TEX14: variants seen among roughly 807,000 people sequenced by gnomAD.
TEX14 encodes testis expressed 14, intercellular bridge forming factor.
A neutral mutation model predicts 178.6 loss-of-function variants in TEX14; 168 were observed. The ratio of observed to expected loss-of-function variants is 0.94; its 90% CI spans 0.83 to 1.07. The LOEUF is 1.07. Ranked by LOEUF, TEX14 falls within the 50% of genes least tolerant of loss-of-function variation. The pLI, the probability that TEX14 is intolerant of heterozygous loss-of-function variation, is 0.00. For synonymous variants in TEX14, 626 were observed against 634.1 expected (o/e 0.99, Z 0.19); for missense variants, 1,730 against 1,753.6 (o/e 0.99, Z 0.24).
At chr17:58,626,363 C>T (rs575194286) in intron 3 of TEX14, among the ~76,000 whole-genome samples, 112 of 151,406 alleles carry the variant, frequency 7.4e-4, no homozygotes, top group Non-Finnish European at 1.5e-3. Flanking sequence ...GTCAGGAGTT[C>T]GAGACCAGCT....
chr17:58,676,688 G>T (rs190791884), intron 1 of TEX14, among the ~76,000 whole-genome samples: 2 of 152,150 alleles, frequency 1.3e-5, no homozygotes, highest in African/African-American at 4.8e-5. Context: ...GTTAAGAGCA[G>T]GTTAAAATCC....
intron 2 of TEX14, among the ~76,000 whole-genome samples, chr17:58,641,677 T>G: frequency 6.6e-6 from 1 of 151,522 alleles, no homozygotes; most frequent in East Asian, 1.9e-4. Flanking sequence ...CAGCTAATTT[T>G]TGTATTTTTA....
intron 20 of TEX14, among the ~76,000 whole-genome samples, chr17:58,578,181 G>C (rs2044725338): frequency 6.6e-6 from 1 of 152,150 alleles, no homozygotes; most frequent in African/African-American, 2.4e-5. Context: ...AGGCCCATCA[G>C]AACAATGCCA....
At chr17:58,571,238 T>TC (rs549013212) in intron 24 of TEX14, among the ~76,000 whole-genome samples, 112 of 147,774 alleles carry the variant, frequency 7.6e-4, no homozygotes, top group African/African-American at 2.2e-3. Flanking sequence ...TTCTTTTCTT[T>TC]TTTTTTTTTT....
At chr17:58,575,062 C>T (rs1476649989) in intron 21 of TEX14, among the ~76,000 whole-genome samples, 2 of 151,550 alleles carry the variant, frequency 1.3e-5, no homozygotes, top group Non-Finnish European at 2.9e-5. Flanking sequence ...TCAGTACTCA[C>T]TGAACATTAA....
chr17:58,569,385 G>T lies in TEX14; in HGVS notation c.3818-125C>A, dbSNP rs2044472186. On this transcript the variant is annotated intron_variant, in intron 25 of 31. Coordinates refer to ENST00000349033, the MANE Select transcript of TEX14 (RefSeq NM_031272.5). The surrounding 1 kb of genome is among the most constrained non-coding windows in gnomAD (Gnocchi z 4.1). Reference sequence around the variant, plus strand: ...CTCAATGATGAAACAAACTAAGGAGGAAGGAAGCCTCTTACATAATAGTTC... The same window carrying T: ...CTCAATGATGAAACAAACTAAGGAGTAAGGAAGCCTCTTACATAATAGTTC... 3 of 700,150 alleles carry T rather than the reference G, an allele frequency of 4.3e-6. No individual in the cohort carries two copies. The highest frequency in any genetic ancestry group is 7.4e-6 in the Non-Finnish European group (3 of 406,688). The allele number at this position is 700,150 out of a possible 1,614,324, so 43.4% of individuals were successfully genotyped here.
At chr17:58,628,226 T>G (rs908729149) in intron 3 of TEX14, among the ~76,000 whole-genome samples, 2 of 152,146 alleles carry the variant, frequency 1.3e-5, no homozygotes, top group African/African-American at 4.8e-5. Context: ...TTTCTAAGCT[T>G]CCAAGTTTTC....
At chr17:58,659,300 A>C (rs941675221) in intron 1 of TEX14, 6 of 971,556 alleles carry the variant, frequency 6.2e-6, no homozygotes, top group Non-Finnish European at 7.3e-6. Context: ...CCCGCCACAA[A>C]GACATTATTT....
intron 1 of TEX14, among the ~76,000 whole-genome samples, chr17:58,678,982 C>T (rs1000440437): frequency 9.2e-5 from 14 of 151,716 alleles, no homozygotes; most frequent in African/African-American, 3.1e-4. Flanking sequence ...GGTGAAACCC[C>T]GTCTCTACTA....
At position 58,603,637 on chromosome 17, in the gene TEX14, G is replaced by A. The variant is rs571471037; in HGVS notation, c.1337-1047C>T. Reference sequence around the variant, plus strand: ...TAGGAGGCTGAGGTGGGCGGATCACGAGGTCAGGAGATCCAGACCATCCTG... The same window carrying A: ...TAGGAGGCTGAGGTGGGCGGATCACAAGGTCAGGAGATCCAGACCATCCTG... On this transcript the variant is annotated intron_variant, in intron 11 of 31. Transcript: ENST00000349033. Among the ~76,000 whole-genome samples the A allele has an allele frequency of 8.5e-4, 127 of 150,042 alleles. 1 individual carries two copies. Among genetic ancestry groups the A allele is most frequent in the African/African-American group, 3.0e-3 (123 of 40,858 alleles).
At chr17:58,577,750 A>G (rs2144384184) in intron 20 of TEX14, among the ~76,000 whole-genome samples, 1 of 152,256 alleles carries the variant, frequency 6.6e-6, no homozygotes, top group Non-Finnish European at 1.5e-5. Flanking sequence ...CTGAAGACAA[A>G]TGTTGTTTTG....
chr17:58,594,108 C>T (rs1358961433), intron 14 of TEX14, among the ~76,000 whole-genome samples: 1 of 152,100 alleles, frequency 6.6e-6, no homozygotes, highest in Non-Finnish European at 1.5e-5. Context: ...GCTGGGATTA[C>T]AGGCGTGAGC....
At position 58,569,140 on chromosome 17, in the gene TEX14, G is replaced by T; in HGVS notation, c.3886+52C>A. 1.4e-6 allele frequency: 2 copies of T among 1,431,228 alleles called. No homozygotes were observed. Among genetic ancestry groups the T allele is most frequent in the Non-Finnish European group, 2.0e-6 (2 of 1,016,274 alleles). 88.7% of individuals were successfully genotyped at this position (1,431,228 alleles called of 1,614,324 possible). On this transcript the variant is annotated intron_variant, in intron 26 of 31. Transcript: ENST00000349033. The surrounding 1 kb of genome is among the most constrained non-coding windows in gnomAD (Gnocchi z 4.1). ...AGACAAAGACACCATACTGTGGTCA[G>T]TGACATAACTAACAGGGCCGAGAAG...
intron 20 of TEX14, 125 bp downstream of exon 20, chr17:58,579,540 A>G: frequency 1.3e-6 from 1 of 771,234 alleles, no homozygotes; most frequent in South Asian, 1.8e-5. Flanking sequence ...GGTTTTCTCA[A>G]CCATATAATG....
chr17:58,602,455 T>G lies in TEX14; in HGVS notation c.1472A>C (p.Lys491Thr), dbSNP rs143574940. The G allele has an allele frequency of 6.2e-7, 1 of 1,613,990 alleles. No homozygotes were observed. Among genetic ancestry groups the G allele is most frequent in the African/African-American group, 1.3e-5 (1 of 74,902 alleles). Reference sequence around the variant, plus strand: ...ATCTTGAAGGTTCATAGTTCGGTCTTTCTGCTTGACGTGGATGCCTGACTT... The same window carrying G: ...ATCTTGAAGGTTCATAGTTCGGTCTGTCTGCTTGACGTGGATGCCTGACTT... Reference protein sequence around the residue: ...IVKSGIHVKQKDRTMNLQDIR... With the variant: ...IVKSGIHVKQTDRTMNLQDIR... The change falls in exon 12 of 32, where the codon AAA (lysine) becomes ACA (threonine). Residue 491 changes from lysine to threonine, a missense_variant. By Grantham distance (78) the Lys-to-Thr change is moderately conservative. Around this residue, in one of 2 missense-constraint regions of TEX14, gnomAD observed 789 missense variants for 681.2 expected, o/e 1.16. Coordinates refer to ENST00000349033, the MANE Select transcript of TEX14 (RefSeq NM_031272.5).
At chr17:58,616,687 G>T (rs2045881279) in intron 6 of TEX14, among the ~76,000 whole-genome samples, 2 of 152,120 alleles carry the variant, frequency 1.3e-5, no homozygotes. Flanking sequence ...GTCTCCCAAA[G>T]TGCTAAGATT....
At chr17:58,572,329 A>G (rs1223672293) in intron 23 of TEX14, among the ~76,000 whole-genome samples, 1 of 152,134 alleles carries the variant, frequency 6.6e-6, no homozygotes, top group African/African-American at 2.4e-5. Context: ...GATTTTCCAA[A>G]TTGTTAATAA....
intron 3 of TEX14, 58 bp from the exon 4 acceptor site, chr17:58,623,070 G>C (rs2046039021): frequency 6.7e-7 from 1 of 1,501,608 alleles, no homozygotes. Flanking sequence ...ATTCCATGGA[G>C]CGGGGCTCAG....
At chr17:58,642,310 C>G (rs1380610157) in intron 2 of TEX14, among the ~76,000 whole-genome samples, 1 of 152,178 alleles carries the variant, frequency 6.6e-6, no homozygotes, top group Non-Finnish European at 1.5e-5. Flanking sequence ...AGCAGCATCA[C>G]AAATGTGACC....
Sources: allele counts gnomAD v4.1 joint callset (sites outside exome capture counted in the v4.1 genomes callset), GRCh38; gene constraint gnomAD v4.1.1; regional missense constraint gnomAD v4.1.1; non-coding constraint Gnocchi (gnomAD v3.1); transcripts MANE v1.5; gene names NCBI Gene and HGNC (gene_info 2026-07-23, HGNC 2026-07-21).